The following TANC2 variants were observed in gnomAD, a reference collection of about 807,000 sequenced individuals.
The protein encoded by TANC2 is protein TANC2.
A neutral mutation model predicts 210.5 loss-of-function variants in TANC2; 26 were observed. That is an observed-to-expected ratio of 0.12 (90% CI 0.09 to 0.17). The LOEUF (loss-of-function observed/expected upper bound fraction) is 0.17, where lower values mean the gene tolerates loss of function less well. Ranked by LOEUF, TANC2 falls within the 10% of genes least tolerant of loss-of-function variation. The pLI, the probability that TANC2 is intolerant of heterozygous loss-of-function variation, is 1.00. For missense variants in TANC2, 2,129 were observed against 2,608.9 expected (o/e 0.82, Z 4.01); for synonymous variants, 931 against 967.1 (o/e 0.96, Z 0.69).
chr17:63,384,636 A>G (rs1036058857), intron 15 of TANC2, among the ~76,000 whole-genome samples: 128 of 152,302 alleles, frequency 8.4e-4, no homozygotes, highest in African/African-American at 3.0e-3. Flanking sequence ...CCCTTATCCT[A>G]AAGTTAGCAT....
At chr17:63,351,441 CATAA>C in intron 13 of TANC2, 25 bp downstream of exon 13, 1 of 1,542,164 alleles carries the variant, frequency 6.5e-7, no homozygotes, top group Non-Finnish European at 8.7e-7. Flanking sequence ...GCTTTTAAAC[CATAA>C]ATGATTCCTC....
chr17:63,138,060 A>T (rs73341774), intron 4 of TANC2, among the ~76,000 whole-genome samples: 6,955 of 152,152 alleles, frequency 0.046, 507 homozygotes, highest in African/African-American at 0.15. Flanking sequence ...ACTGAGCTTG[A>T]AGGAGGTATG....
chr17:63,334,437 G>A (rs558967701), intron 11 of TANC2, among the ~76,000 whole-genome samples: 3 of 152,042 alleles, frequency 2.0e-5, no homozygotes, highest in Non-Finnish European at 4.4e-5. Context: ...GATAAAATAA[G>A]CCCATACTTA....
chr17:63,102,706 G>C (rs775016761), intron 4 of TANC2, among the ~76,000 whole-genome samples: 37 of 151,584 alleles, frequency 2.4e-4, no homozygotes, highest in Non-Finnish European at 5.0e-4. Context: ...GGAACAGGTA[G>C]TAGTATGATC....
At chr17:63,359,706 T>C (rs182706501) in intron 14 of TANC2, among the ~76,000 whole-genome samples, 3 of 152,232 alleles carry the variant, frequency 2.0e-5, no homozygotes, top group East Asian at 3.9e-4. Context: ...GTGAACTTCA[T>C]GTAATGAGTG....
intron 8 of TANC2, among the ~76,000 whole-genome samples, chr17:63,264,989 T>C (rs2043481264): frequency 6.6e-6 from 1 of 152,194 alleles, no homozygotes; most frequent in Non-Finnish European, 1.5e-5. Context: ...CTTCTCCTGT[T>C]GCCAACATCA....
At chr17:63,241,115 A>C (rs564805325) in intron 8 of TANC2, among the ~76,000 whole-genome samples, 2 of 152,196 alleles carry the variant, frequency 1.3e-5, no homozygotes, top group South Asian at 4.1e-4. Flanking sequence ...ACTATAGAAT[A>C]TAGTCTTCTC....
chr17:63,008,984 A>G (rs997171560), intron 1 of TANC2, among the ~76,000 whole-genome samples: 21 of 152,106 alleles, frequency 1.4e-4, no homozygotes, highest in Admixed American at 9.8e-4. Context: ...AGTGATATCT[A>G]CCTTTATTTC....
At chr17:63,186,758 G>A (rs2041002556) in intron 5 of TANC2, among the ~76,000 whole-genome samples, 1 of 152,088 alleles carries the variant, frequency 6.6e-6, no homozygotes, top group Non-Finnish European at 1.5e-5. Flanking sequence ...AGATTTCTGG[G>A]AGCGTAGCCT....
At chr17:62,978,801 C>T (rs1360043649) in intron 1 of TANC2, 1 of 152,188 alleles carries the variant, frequency 6.6e-6, no homozygotes, top group African/African-American at 2.4e-5. Flanking sequence ...GTGCCATTTT[C>T]AGGACTGGTC....
intron 1 of TANC2, among the ~76,000 whole-genome samples, chr17:62,987,288 T>A (rs2032617632): frequency 1.3e-5 from 2 of 152,140 alleles, no homozygotes; most frequent in African/African-American, 2.4e-5. Context: ...GAATTCGTAG[T>A]ATAAAGATGG....
intron 2 of TANC2, among the ~76,000 whole-genome samples, chr17:63,063,279 A>G (rs2036061528): frequency 6.6e-6 from 1 of 152,212 alleles, no homozygotes; most frequent in Non-Finnish European, 1.5e-5. Flanking sequence ...TCTGTAGTTC[A>G]GGAATTTTTA....
chr17:63,331,275 C>G (rs181718409), intron 11 of TANC2, among the ~76,000 whole-genome samples: 109 of 152,296 alleles, frequency 7.2e-4, no homozygotes, highest in African/African-American at 2.6e-3. Context: ...GTGATCCATA[C>G]CTTCATTCAT....
chr17:63,165,265 A>G (rs1332868975), intron 5 of TANC2, among the ~76,000 whole-genome samples: 1 of 140,746 alleles, frequency 7.1e-6, no homozygotes, highest in Non-Finnish European at 1.6e-5. Flanking sequence ...TAACAGAGTG[A>G]GACCCTATTT....
At chr17:62,978,811 C>T (rs146545447) in intron 1 of TANC2, 4 of 152,222 alleles carry the variant, frequency 2.6e-5, no homozygotes, top group African/African-American at 9.6e-5. Flanking sequence ...CAGGACTGGT[C>T]TTCTGTGATA....
chr17:63,105,680 A>G (rs1424184870), intron 4 of TANC2, among the ~76,000 whole-genome samples: 1 of 151,692 alleles, frequency 6.6e-6, no homozygotes, highest in Non-Finnish European at 1.5e-5. Context: ...CTTGGAAAAA[A>G]TGGAAACATA....
intron 11 of TANC2, among the ~76,000 whole-genome samples, chr17:63,330,816 C>T (rs1240206738): frequency 1.3e-5 from 2 of 152,178 alleles, no homozygotes; most frequent in African/African-American, 4.8e-5. Flanking sequence ...TGGCTCCTGC[C>T]TGTAATCCTA....
chr17:63,274,953 G>T (rs72845235), intron 9 of TANC2, among the ~76,000 whole-genome samples: 7,622 of 152,202 alleles, frequency 0.05, 275 homozygotes, highest in Non-Finnish European at 0.08. Context: ...CGCAGAGAAA[G>T]ATAGAAACTA....
At chr17:63,403,346 T>G (rs1486069833) in intron 19 of TANC2, among the ~76,000 whole-genome samples, 2 of 152,214 alleles carry the variant, frequency 1.3e-5, no homozygotes, top group South Asian at 2.1e-4. Flanking sequence ...GAGTTTAGAA[T>G]GTGGGTTAGA....
Sources: allele counts gnomAD v4.1 joint callset (sites outside exome capture counted in the v4.1 genomes callset), GRCh38; gene constraint gnomAD v4.1.1; transcripts MANE v1.5; gene names NCBI Gene and HGNC (gene_info 2026-07-23, HGNC 2026-07-21).